Variants in TNPO1 observed in about 807,000 individuals in gnomAD.
TNPO1 encodes transportin-1.
Under a neutral mutation model 119.5 loss-of-function variants are expected in TNPO1, and 8 were observed. The ratio of observed to expected loss-of-function variants is 0.07; its 90% CI spans 0.04 to 0.12. The LOEUF is 0.12. Ranked by LOEUF, TNPO1 falls within the 10% of genes least tolerant of loss-of-function variation. TNPO1 has a pLI of 1.00. For missense variants in TNPO1, 576 were observed against 1,089.8 expected (o/e 0.53, Z 6.64); for synonymous variants, 362 against 363.0 (o/e 1.00, Z 0.03).
At chr5:72,841,564 C>T (rs1347639667) in intron 1 of TNPO1, among the ~76,000 whole-genome samples, 1 of 152,040 alleles carries the variant, frequency 6.6e-6, no homozygotes, top group African/African-American at 2.4e-5. Flanking sequence ...AGGTCTCGAA[C>T]TCATGACCTT....
intron 22 of TNPO1, among the ~76,000 whole-genome samples, chr5:72,902,445 G>C (rs1425131385): frequency 6.6e-6 from 1 of 151,614 alleles, no homozygotes; most frequent in African/African-American, 2.4e-5. Context: ...CTTACTGTTA[G>C]AACAAGCCAG....
At chr5:72,845,278 A>G (rs1048821711) in intron 1 of TNPO1, among the ~76,000 whole-genome samples, 1 of 152,154 alleles carries the variant, frequency 6.6e-6, no homozygotes, top group Non-Finnish European at 1.5e-5. Flanking sequence ...AAAATCCAAT[A>G]TTGATCTTGA....
At chr5:72,878,352 T>C (rs986513304) in intron 9 of TNPO1, among the ~76,000 whole-genome samples, 12 of 152,134 alleles carry the variant, frequency 7.9e-5, no homozygotes, top group Admixed American at 2.0e-4. Context: ...AATAGTTCTC[T>C]AGGAAATTTA....
Position 72,820,539 on chromosome 5 carries a change from T to G in TNPO1, c.15+3787T>G, listed in dbSNP as rs1190098116. Among the ~76,000 whole-genome samples the G allele has an allele frequency of 2.6e-5, 4 of 152,290 alleles. No individual in the cohort carries two copies. In the East Asian group the frequency reaches 7.7e-4, roughly 29 times the overall value. On this transcript the variant is annotated intron_variant, in intron 1 of 24. Transcript: ENST00000337273. ...TCACTTTCATGTACATTTTTCTCAT[T>G]TATTATGTTGGCTCTGTGTTATACA... is the stretch of plus-strand genomic sequence containing the variant.
chr5:72,853,805 C>A (rs1043486945), intron 3 of TNPO1, among the ~76,000 whole-genome samples: 1 of 152,144 alleles, frequency 6.6e-6, no homozygotes, highest in Non-Finnish European at 1.5e-5. Flanking sequence ...GTAATCTTAT[C>A]ACTGAATTGT....
At chr5:72,896,629 G>T in intron 19 of TNPO1, 73 bp downstream of exon 19, 2 of 1,211,462 alleles carry the variant, frequency 1.7e-6, no homozygotes, top group Non-Finnish European at 2.4e-6. Context: ...CAGCACTTCG[G>T]GAGGCTGAGG....
intron 1 of TNPO1, among the ~76,000 whole-genome samples, chr5:72,823,497 G>A (rs1352869205): frequency 5.3e-5 from 8 of 152,012 alleles, no homozygotes; most frequent in African/African-American, 2.4e-5. Context: ...CTCTGTTACC[G>A]CTTCTTCCTA....
intron 1 of TNPO1, among the ~76,000 whole-genome samples, chr5:72,832,234 C>T (rs1420337912): frequency 2.6e-5 from 4 of 152,082 alleles, no homozygotes; most frequent in African/African-American, 9.7e-5. Context: ...ATCATCATCT[C>T]CTCAGCAGCA....
At chr5:72,868,458 A>AAAAAAAAACAC (rs1554052270) in intron 6 of TNPO1, among the ~76,000 whole-genome samples, 1 of 113,318 alleles carries the variant, frequency 8.8e-6, no homozygotes, top group Non-Finnish European at 2.1e-5. Context: ...AAAAAAAAAA[A>AAAAAAAAACAC]ACACAAAATA....
chr5:72,845,751 TAAAG>T lies in TNPO1; in HGVS notation c.16-2631_16-2628del, dbSNP rs1225048438. Among the ~76,000 whole-genome samples the T allele has an allele frequency of 5.3e-5, 8 of 152,134 alleles. No individual in the cohort carries two copies. The East Asian group carries it at 1.3e-3, about 26-fold the overall frequency. On this transcript the variant is annotated intron_variant, in intron 1 of 24. Coordinates refer to ENST00000337273, the MANE Select transcript of TNPO1 (RefSeq NM_002270.4). ...AGAAAACCCTAGTTGACGACAGAAA[TAAAG>T]AAGGAAGCATGCTATTGGCCTGATA...
intron 6 of TNPO1, among the ~76,000 whole-genome samples, 171 bp from the exon 7 acceptor site, chr5:72,872,468 G>A (rs1298754015): frequency 1.3e-5 from 2 of 152,080 alleles, no homozygotes; most frequent in East Asian, 3.8e-4. Flanking sequence ...TTTGCACTTA[G>A]TATATCATTC....
chr5:72,872,862 A>G (rs1163693596), intron 7 of TNPO1, 142 bp downstream of exon 7: 4 of 514,182 alleles, frequency 7.8e-6, no homozygotes, highest in African/African-American at 5.9e-5. Flanking sequence ...ATTATTTCTG[A>G]TAGTATTAAA....
At chr5:72,878,771 T>C in intron 9 of TNPO1, 1 of 280,480 alleles carries the variant, frequency 3.6e-6, no homozygotes, top group Non-Finnish European at 7.0e-6. Flanking sequence ...CATATAATTT[T>C]AAATGTCATA....
At chr5:72,867,877 T>G (rs1747042250) in intron 6 of TNPO1, among the ~76,000 whole-genome samples, 1 of 152,230 alleles carries the variant, frequency 6.6e-6, no homozygotes, top group Non-Finnish European at 1.5e-5. Flanking sequence ...AATTAGCATA[T>G]TTTTTAAGTG....
intron 1 of TNPO1, among the ~76,000 whole-genome samples, chr5:72,832,601 C>T (rs981411811): frequency 6.6e-6 from 1 of 152,252 alleles, no homozygotes; most frequent in African/African-American, 2.4e-5. Context: ...CCAAGTACTA[C>T]CTGAAAGCTA....
rs1403921179 is a variant in TNPO1 at position 72,913,160 on chromosome 5, G to A, written c.*4487G>A. 1 of 152,492 alleles carries A rather than the reference G, an allele frequency of 6.6e-6. No homozygotes were observed. The highest frequency in any genetic ancestry group is 2.4e-5 in the African/African-American group (1 of 41,436). The allele number at this position is 152,492 out of a possible 1,614,324, so 9.4% of individuals were successfully genotyped here. ...TCTGGTAATAATACCATGCAATATA[G>A]CGTTGTATACCAACTTAGTGCATTT... On this transcript the variant is annotated 3_prime_UTR_variant, in exon 25 of 25. Coordinates refer to ENST00000337273, the MANE Select transcript of TNPO1 (RefSeq NM_002270.4).
chr5:72,833,122 C>A (rs894566942), intron 1 of TNPO1, among the ~76,000 whole-genome samples: 3 of 152,130 alleles, frequency 2.0e-5, no homozygotes, highest in African/African-American at 7.2e-5. Flanking sequence ...AATAAACCTC[C>A]CCTTTTCTCT....
chr5:72,870,094 G>T (rs34673), intron 6 of TNPO1, among the ~76,000 whole-genome samples: 2 of 149,770 alleles, frequency 1.3e-5, no homozygotes, highest in African/African-American at 4.9e-5. Flanking sequence ...TGGAATTTAC[G>T]TTGGAATAAC....
chr5:72,844,678 A>C (rs1369630490), intron 1 of TNPO1, among the ~76,000 whole-genome samples: 2 of 152,186 alleles, frequency 1.3e-5, no homozygotes, highest in Non-Finnish European at 2.9e-5. Flanking sequence ...GTATATTCCC[A>C]TTTTAGGGTT....
Sources: allele counts gnomAD v4.1 joint callset (sites outside exome capture counted in the v4.1 genomes callset), GRCh38; gene constraint gnomAD v4.1.1; transcripts MANE v1.5; gene names NCBI Gene and HGNC (gene_info 2026-07-23, HGNC 2026-07-21).